NEIL2: variants seen among roughly 807,000 people sequenced by gnomAD.
The protein encoded by NEIL2 is endonuclease 8-like 2.
In NEIL2, 23 loss-of-function variants were observed where a neutral mutation model predicts 22.2. The observed-to-expected ratio is 1.04, with a 90% CI of 0.75 to 1.47. The LOEUF is 1.47. Ranked by LOEUF, NEIL2 falls within the 40% of genes most tolerant of loss-of-function variation. The probability of loss-of-function intolerance (pLI) is 0.00; values close to 1 mark genes in which losing one functional copy is unlikely to be tolerated. For synonymous variants in NEIL2, 229 were observed against 164.8 expected (o/e 1.39, Z -2.99); for missense variants, 583 against 404.7 (o/e 1.44, Z -3.78).
At chr8:11,778,736 G>C (rs553875701) in intron 2 of NEIL2, among the ~76,000 whole-genome samples, 2 of 152,208 alleles carry the variant, frequency 1.3e-5, no homozygotes, top group South Asian at 4.1e-4. Context: ...CAGATCGCTT[G>C]AGGTCAGGAG....
chr8:11,782,833 A>G lies in NEIL2; in HGVS notation c.492-370A>G, dbSNP rs1156309033. The G allele has an allele frequency of 9.3e-5, 33 of 353,214 alleles. 1 individual carries two copies. Among genetic ancestry groups the G allele is most frequent in the South Asian group, 5.9e-4 (26 of 43,874 alleles). The allele number at this position is 353,214 out of a possible 1,614,324, so 21.9% of individuals were successfully genotyped here. On this transcript the variant is annotated intron_variant, in intron 3 of 4. Transcript: ENST00000284503. ...TCCAGCCACAGAGTGTGCTTGGACT[A>G]TATTGTAACGATGTGGGGATGTGTG...
chr8:11,776,853 G>C (rs972202165), intron 2 of NEIL2, among the ~76,000 whole-genome samples: 8 of 152,156 alleles, frequency 5.3e-5, no homozygotes, highest in Non-Finnish European at 1.0e-4. Flanking sequence ...ATCTTCTGGG[G>C]GGACTTTGTA....
At chr8:11,771,840 C>A (rs987377627) in intron 2 of NEIL2, among the ~76,000 whole-genome samples, 1 of 152,160 alleles carries the variant, frequency 6.6e-6, no homozygotes, top group African/African-American at 2.4e-5. Flanking sequence ...CTATTCTCTC[C>A]GGCCGCAGCT....
At chr8:11,778,635 A>T (rs1277035714) in intron 2 of NEIL2, among the ~76,000 whole-genome samples, 2 of 152,200 alleles carry the variant, frequency 1.3e-5, no homozygotes, top group East Asian at 3.9e-4. Flanking sequence ...ATTGCATATC[A>T]GGAGGTGCAA....
At chr8:11,785,154 G>C (rs1257309930) in intron 4 of NEIL2, among the ~76,000 whole-genome samples, 1 of 152,022 alleles carries the variant, frequency 6.6e-6, no homozygotes, top group Non-Finnish European at 1.5e-5. Context: ...TTACAGGCGT[G>C]TGCCACTGTG....
At chr8:11,771,282 C>T (rs1259539234) in intron 1 of NEIL2, among the ~76,000 whole-genome samples, 164 bp from the exon 2 acceptor site, 2 of 152,198 alleles carry the variant, frequency 1.3e-5, no homozygotes, top group African/African-American at 2.4e-5. Flanking sequence ...CTGCTCTTCT[C>T]TATGATCTGA....
At chr8:11,778,977 A>T (rs1284115798) in intron 2 of NEIL2, among the ~76,000 whole-genome samples, 6 of 145,032 alleles carry the variant, frequency 4.1e-5, no homozygotes, top group Admixed American at 2.8e-4. Context: ...ACAGCAGAAC[A>T]TCCTTTAACA....
intron 4 of NEIL2, among the ~76,000 whole-genome samples, 174 bp downstream of exon 4, chr8:11,783,573 G>T (rs1412473620): frequency 6.6e-6 from 1 of 152,226 alleles, no homozygotes; most frequent in Admixed American, 6.5e-5. Context: ...GAGGGCATTA[G>T]ATCAGGCAGT....
intron 2 of NEIL2, among the ~76,000 whole-genome samples, 168 bp from the exon 3 acceptor site, chr8:11,779,430 G>A (rs904091555): frequency 4.6e-5 from 7 of 152,184 alleles, no homozygotes; most frequent in Admixed American, 2.6e-4. Context: ...CATGCGAACT[G>A]CTCACACCAC....
chr8:11,770,396 G>A (rs1803334987), intron 1 of NEIL2, 61 bp downstream of exon 1: 1 of 152,202 alleles, frequency 6.6e-6, no homozygotes, highest in Admixed American at 6.5e-5. Flanking sequence ...TCCCTGGGGA[G>A]TGTCTGGAAA....
At chr8:11,773,478 A>G (rs1213808095) in intron 2 of NEIL2, among the ~76,000 whole-genome samples, 1 of 152,108 alleles carries the variant, frequency 6.6e-6, no homozygotes, top group East Asian at 1.9e-4. Flanking sequence ...CCACACTATT[A>G]AGCTATGCTA....
At position 11,771,590 on chromosome 8, in the gene NEIL2, G is replaced by A. The variant is rs763309011; in HGVS notation, c.138+5G>A. On this transcript the variant is annotated splice_donor_5th_base_variant and intron_variant, in intron 2 of 4. Transcript: ENST00000284503. ...CTGTGGCTCCAGGACACCCAGGTGA[G>A]GTAATACTCCTCTGAAGGGTTGGCT... The A allele has an allele frequency of 2.5e-6, 4 of 1,613,084 alleles. No individual in the cohort carries two copies. In the South Asian group the frequency reaches 4.4e-5, roughly 18 times the overall value.
intron 2 of NEIL2, among the ~76,000 whole-genome samples, chr8:11,778,699 C>G (rs1043211277): frequency 6.6e-6 from 1 of 151,618 alleles, no homozygotes; most frequent in African/African-American, 2.4e-5. Context: ...TGCCTGGAAT[C>G]CCAACACTTT....
At chr8:11,781,899 A>G (rs1258890142) in intron 3 of NEIL2, among the ~76,000 whole-genome samples, 2 of 151,936 alleles carry the variant, frequency 1.3e-5, no homozygotes. Context: ...TGTTTGTACA[A>G]AAAAATAAAA....
chr8:11,775,381 GCACCAAGTCCCTAGGCTGCA>G (rs1803825237), intron 2 of NEIL2, among the ~76,000 whole-genome samples: 1 of 152,212 alleles, frequency 6.6e-6, no homozygotes, highest in African/African-American at 2.4e-5. Context: ...AGGACACAGG[GCACCAAGTCCCTAGGCTGCA>G]CACAGCAGAG....
intron 2 of NEIL2, 36 bp downstream of exon 2, chr8:11,771,621 G>A (rs1402361236): frequency 2.2e-5 from 35 of 1,593,562 alleles, no homozygotes; most frequent in African/African-American, 4.0e-5. Flanking sequence ...TGGCTCTGTC[G>A]CCCATCCTGC....
At chr8:11,784,636 G>T (rs1337987623) in intron 4 of NEIL2, among the ~76,000 whole-genome samples, 1 of 152,182 alleles carries the variant, frequency 6.6e-6, no homozygotes, top group African/African-American at 2.4e-5. Context: ...TCCTTAAGGA[G>T]ATCATTGTAT....
Position 11,771,354 on chromosome 8 carries a change from A to G in NEIL2, c.-2-92A>G. 7 of 1,542,828 alleles carry G rather than the reference A, an allele frequency of 4.5e-6. No individual in the cohort carries two copies. The South Asian group carries it at 6.7e-5, about 15-fold the overall frequency. On this transcript the variant is annotated intron_variant, in intron 1 of 4. Coordinates refer to ENST00000284503, the MANE Select transcript of NEIL2 (RefSeq NM_145043.4). ...GCTCTTAAAGTTAGTTGGCAGCAAAAATGGCGGCATGGAGGATGCTTGGCA... is the reference window on the plus strand; with the variant it reads ...GCTCTTAAAGTTAGTTGGCAGCAAAGATGGCGGCATGGAGGATGCTTGGCA...
At position 11,786,313 on chromosome 8, in the gene NEIL2, G is replaced by A. The variant is rs1804949358; in HGVS notation, c.*40G>A. The A allele has an allele frequency of 6.3e-7, 1 of 1,582,094 alleles. No individual in the cohort carries two copies. Among genetic ancestry groups the A allele is most frequent in the Non-Finnish European group, 8.6e-7 (1 of 1,161,612 alleles). ...TCCTCACGGAACCTTGCCGCTTGGG[G>A]AACCTGACGTCTAAGTGTCCAGAAA... On this transcript the variant is annotated 3_prime_UTR_variant, in exon 5 of 5. Coordinates refer to ENST00000284503, the MANE Select transcript of NEIL2 (RefSeq NM_145043.4).
Sources: allele counts gnomAD v4.1 joint callset (sites outside exome capture counted in the v4.1 genomes callset), GRCh38; gene constraint gnomAD v4.1.1; transcripts MANE v1.5; gene names NCBI Gene and HGNC (gene_info 2026-07-23, HGNC 2026-07-21).